The following COL14A1 variants were observed in gnomAD, a reference collection of about 807,000 sequenced individuals.
COL14A1 encodes collagen alpha-1(XIV) chain.
In COL14A1, 136 loss-of-function variants were observed where a neutral mutation model predicts 230.3. The observed-to-expected ratio is 0.59, with a 90% CI of 0.51 to 0.68. The LOEUF (loss-of-function observed/expected upper bound fraction) is 0.68, where lower values mean the gene tolerates loss of function less well. COL14A1 is among the 30% of genes least tolerant of loss of function. The pLI is 0.00. For synonymous variants in COL14A1, 792 were observed against 784.1 expected (o/e 1.01, Z -0.17); for missense variants, 1,976 against 2,215.8 (o/e 0.89, Z 2.17).
intron 1 of COL14A1, 63 bp from the exon 2 acceptor site, chr8:120,147,743 A>G: frequency 2.4e-6 from 2 of 827,108 alleles, no homozygotes; most frequent in Admixed American, 2.5e-5. Flanking sequence ...CGCCTGTCCT[A>G]AATGATTACA....
At chr8:120,307,570 G>A (rs1380380715) in intron 36 of COL14A1, among the ~76,000 whole-genome samples, 1 of 152,092 alleles carries the variant, frequency 6.6e-6, no homozygotes, top group African/African-American at 2.4e-5. Flanking sequence ...ACTCATTAAA[G>A]AGAAAAAGAC....
At position 120,163,335 on chromosome 8, in the gene COL14A1, C is replaced by T. The variant is rs117798289; in HGVS notation, c.349+766C>T. ...AAAGCTTCATGTTTGAGCCAGTTCT[C>T]AAATAGTAAATTGGGCATTTGGAGA... On this transcript the variant is annotated intron_variant, in intron 4 of 47. Coordinates refer to ENST00000297848, the MANE Select transcript of COL14A1 (RefSeq NM_021110.4). 2.0e-3 allele frequency among the ~76,000 whole-genome samples: 299 copies of T among 152,240 alleles called. 2 individuals are homozygous for T. The East Asian group carries it at 0.035, about 18-fold the overall frequency.
intron 21 of COL14A1, 80 bp from the exon 22 acceptor site, chr8:120,250,537 A>G (rs1014615678): frequency 1.0e-5 from 15 of 1,476,242 alleles, no homozygotes; most frequent in African/African-American, 1.4e-5. Flanking sequence ...AAAGCAGTCA[A>G]GTGAATACAA....
chr8:120,251,425 C>T (rs141401441), intron 22 of COL14A1, among the ~76,000 whole-genome samples: 67 of 152,270 alleles, frequency 4.4e-4, no homozygotes, highest in African/African-American at 1.5e-3. Context: ...CCCCCTTGCA[C>T]GTGCACATAT....
chr8:120,197,195 T>G (rs949611370), intron 6 of COL14A1, among the ~76,000 whole-genome samples: 2 of 152,200 alleles, frequency 1.3e-5, no homozygotes, highest in Non-Finnish European at 2.9e-5. Context: ...TCTGTTACTT[T>G]AAAAGTTACA....
intron 14 of COL14A1, among the ~76,000 whole-genome samples, chr8:120,223,892 C>T (rs1295758800): frequency 6.6e-6 from 1 of 151,984 alleles, no homozygotes; most frequent in African/African-American, 2.4e-5. Flanking sequence ...GTGTGGGCCC[C>T]ATATATGTGG....
intron 19 of COL14A1, among the ~76,000 whole-genome samples, chr8:120,238,447 C>T (rs1412331182): frequency 3.3e-5 from 5 of 152,120 alleles, no homozygotes; most frequent in Non-Finnish European, 4.4e-5. Flanking sequence ...TAATGGCGGA[C>T]ACCCCTCCCC....
chr8:120,161,954 C>T (rs1353668323), intron 3 of COL14A1, among the ~76,000 whole-genome samples: 1 of 152,180 alleles, frequency 6.6e-6, no homozygotes, highest in African/African-American at 2.4e-5. Flanking sequence ...CGTGAGCCTC[C>T]TCACCTGGCC....
chr8:120,339,457 T>C (rs1289793182), intron 42 of COL14A1, among the ~76,000 whole-genome samples: 1 of 152,194 alleles, frequency 6.6e-6, no homozygotes, highest in Non-Finnish European at 1.5e-5. Context: ...CCAGACTTTG[T>C]ATTTTTCATC....
chr8:120,300,853 T>C (rs1820689420), intron 36 of COL14A1, 35 bp downstream of exon 36: 2 of 1,454,602 alleles, frequency 1.4e-6, no homozygotes, highest in Admixed American at 3.4e-5. Context: ...AAATTTTCTT[T>C]AATAATATTA....
At chr8:120,234,065 T>C (rs1466280885) in intron 19 of COL14A1, among the ~76,000 whole-genome samples, 4 of 152,098 alleles carry the variant, frequency 2.6e-5, no homozygotes, top group African/African-American at 9.7e-5. Context: ...AGGTATTTTA[T>C]TCCCTTTGTA....
chr8:120,210,130 G>A (rs1399874692), intron 12 of COL14A1, among the ~76,000 whole-genome samples: 2 of 152,028 alleles, frequency 1.3e-5, no homozygotes, highest in Non-Finnish European at 2.9e-5. Flanking sequence ...GTAGCCTGCT[G>A]TTTTCATTTT....
chr8:120,247,719 C>G lies in COL14A1; in HGVS notation c.2586C>G (p.Val862=). 6.2e-7 allele frequency: 1 copy of G among 1,614,086 alleles called. No homozygotes were observed. ...PSSPVKGYRI[V]YKPVSVPGPT... Reference sequence around the variant, plus strand: ...CCCCGGTGAAAGGCTATAGAATTGTCTACAAACCTGTCAGTGGTAAGTAAT... The same window carrying G: ...CCCCGGTGAAAGGCTATAGAATTGTGTACAAACCTGTCAGTGGTAAGTAAT... Residue 862 remains valine, a synonymous_variant, in exon 21 of 48, where the codon GTC becomes GTG. Transcript: ENST00000297848.
intron 45 of COL14A1, among the ~76,000 whole-genome samples, chr8:120,350,146 A>G (rs1341115280): frequency 2.0e-5 from 3 of 152,114 alleles, no homozygotes; most frequent in African/African-American, 7.2e-5. Flanking sequence ...AAGCTTCCTA[A>G]GTGAAGGAGA....
chr8:120,349,782 G>A (rs1182306656), intron 45 of COL14A1, among the ~76,000 whole-genome samples: 2 of 135,772 alleles, frequency 1.5e-5, no homozygotes, highest in East Asian at 4.2e-4. Flanking sequence ...AAAGTGATGG[G>A]GAGAATGGAA....
chr8:120,199,016 T>C (rs1458063904), intron 7 of COL14A1, among the ~76,000 whole-genome samples: 1 of 152,206 alleles, frequency 6.6e-6, no homozygotes. Flanking sequence ...AGGGATTTTT[T>C]GGTTCTTTAG....
At chr8:120,369,283 C>A in intron 46 of COL14A1, 47 bp from the exon 47 acceptor site, 1 of 1,457,688 alleles carries the variant, frequency 6.9e-7, no homozygotes, top group South Asian at 1.5e-5. Context: ...AAAACTCACC[C>A]TGTTGTGGCA....
At chr8:120,197,510 C>T (rs1817079458) in intron 6 of COL14A1, among the ~76,000 whole-genome samples, 1 of 151,806 alleles carries the variant, frequency 6.6e-6, no homozygotes, top group Non-Finnish European at 1.5e-5. Flanking sequence ...AAATCAACAA[C>T]AAATAAATCT....
chr8:120,315,411 C>A, intron 38 of COL14A1, 122 bp from the exon 39 acceptor site: 11 of 457,824 alleles, frequency 2.4e-5, no homozygotes, highest in Non-Finnish European at 3.6e-5. Context: ...TATATATATT[C>A]TGTTTAGATG....
Sources: gnomAD v4.1 joint callset for allele counts (sites outside exome capture counted in the v4.1 genomes callset) on GRCh38, gnomAD v4.1.1 for gene constraint, MANE v1.5 for transcripts, NCBI Gene and HGNC (gene_info 2026-07-23, HGNC 2026-07-21) for gene names.